Variants in HRH2 observed in about 807,000 individuals in gnomAD.
HRH2 encodes histamine H2 receptor.
In HRH2, 4 loss-of-function variants were observed where a neutral mutation model predicts 20.1. That is an observed-to-expected ratio of 0.20 (90% CI 0.10 to 0.45). The LOEUF (loss-of-function observed/expected upper bound fraction) is 0.45, where lower values mean the gene tolerates loss of function less well. HRH2 is among the 20% of genes least tolerant of loss of function. HRH2 has a pLI of 0.99. For missense variants in HRH2, 250 were observed against 461.6 expected (o/e 0.54, Z 4.20); for synonymous variants, 197 against 200.7 (o/e 0.98, Z 0.16).
chr5:175,706,515 A>G (rs1164320934), intron 2 of HRH2, among the ~76,000 whole-genome samples: 1 of 152,214 alleles, frequency 6.6e-6, no homozygotes, highest in South Asian at 2.1e-4. Context: ...GTTCTTTGAT[A>G]ATTTCACCGA....
At chr5:175,673,583 T>C (rs1378676246) in intron 1 of HRH2, among the ~76,000 whole-genome samples, 1 of 151,962 alleles carries the variant, frequency 6.6e-6, no homozygotes, top group African/African-American at 2.4e-5. Flanking sequence ...GTGATGAAAA[T>C]GTTTTGGAAC....
intron 2 of HRH2, among the ~76,000 whole-genome samples, chr5:175,702,567 T>TTA (rs1756819313): frequency 6.8e-6 from 1 of 146,020 alleles, no homozygotes; most frequent in Admixed American, 6.8e-5. Flanking sequence ...TTTTTTTTTT[T>TTA]TTGAGACGGA....
Position 175,686,735 on chromosome 5 carries a change from C to G in HRH2, c.1076+2426C>G, listed in dbSNP as rs1756185653. 6.6e-6 allele frequency among the ~76,000 whole-genome samples: 1 copy of G among 152,206 alleles called. No individual in the cohort carries two copies. Among genetic ancestry groups the G allele is most frequent in the Non-Finnish European group, 1.5e-5 (1 of 68,040 alleles). On this transcript the variant is annotated intron_variant, in intron 2 of 2. Transcript: ENST00000636584. This position sits in a 1 kb window ranked among gnomAD's most constrained non-coding sequence, Gnocchi z 4.7. ...AGGGCTGGACCCTTGAGACTCAGGG[C>G]CTCACTTCATCCTCCACACAACCCT... is the stretch of plus-strand genomic sequence containing the variant.
Position 175,710,712 on chromosome 5 carries a change from C to A in HRH2, c.*2741C>A, listed in dbSNP as rs1411337424. On this transcript the variant is annotated 3_prime_UTR_variant, in exon 3 of 3. Transcript: ENST00000636584. The stretch of plus-strand genomic sequence containing the variant: ...AACATCTGTGGTGGGACCCCAAATC[C>A]ATGTTTGTGTTACCATCGTGTTCCA... The A allele has an allele frequency of 6.6e-6, 1 of 152,204 alleles. No individual in the cohort carries two copies. Among genetic ancestry groups the A allele is most frequent in the African/African-American group, 2.4e-5 (1 of 41,450 alleles). 9.4% of individuals were successfully genotyped at this position (152,204 alleles called of 1,614,324 possible). A position where few individuals can be genotyped will look rare whatever the true frequency, so the allele number is the denominator to read the frequency against.
At position 175,683,244 on chromosome 5, in the gene HRH2, A is replaced by G. The variant is rs755798780; in HGVS notation, c.11A>G (p.Asn4Ser). The G allele has an allele frequency of 1.2e-6, 2 of 1,613,664 alleles. No homozygotes were observed. Among genetic ancestry groups the G allele is most frequent in the Non-Finnish European group, 8.5e-7 (1 of 1,179,598 alleles). ...CCGTAGAGTCCCAGGATGGCACCCA[A>G]TGGCACAGCCTCTTCCTTTTGCCTG... MAP[N>S]GTASSFCLDS... The change falls in exon 2 of 3, where the codon AAT (asparagine) becomes AGT (serine). Residue 4 changes from asparagine to serine, a missense_variant. Asn to Ser is a conservative substitution (Grantham distance 46). This residue lies in a region of HRH2 where 24 missense variants were observed against 22.9 expected (regional missense o/e 1.05). Coordinates refer to ENST00000636584, the MANE Select transcript of HRH2 (RefSeq NM_001367711.1).
chr5:175,665,275 G>C (rs1561718918), intron 1 of HRH2, among the ~76,000 whole-genome samples: 2 of 152,240 alleles, frequency 1.3e-5, no homozygotes, highest in African/African-American at 4.8e-5. Context: ...TACAGGAGCT[G>C]CAGGAGCTGG....
At chr5:175,659,965 C>T (rs1378321292) in intron 1 of HRH2, among the ~76,000 whole-genome samples, 2 of 152,202 alleles carry the variant, frequency 1.3e-5, no homozygotes, top group East Asian at 3.9e-4. Flanking sequence ...TTGCTTCCTC[C>T]ATCACCTTGT....
intron 1 of HRH2, among the ~76,000 whole-genome samples, chr5:175,672,206 G>T (rs1184826407): frequency 1.2e-4 from 19 of 152,178 alleles, no homozygotes; most frequent in Non-Finnish European, 1.5e-5. Context: ...CACAAACTCA[G>T]GATCCGGATT....
At chr5:175,707,338 G>T (rs912438578) in intron 2 of HRH2, among the ~76,000 whole-genome samples, 2 of 152,196 alleles carry the variant, frequency 1.3e-5, no homozygotes, top group Non-Finnish European at 2.9e-5. Flanking sequence ...GCTGAGGTGG[G>T]AGGATCCCTT....
chr5:175,660,779 G>T (rs918113702), intron 1 of HRH2, among the ~76,000 whole-genome samples: 1 of 152,112 alleles, frequency 6.6e-6, no homozygotes, highest in Non-Finnish European at 1.5e-5. Context: ...CCTCTAAAAG[G>T]GTTCAAGTAG....
At chr5:175,666,463 G>A (rs1332730452) in intron 1 of HRH2, among the ~76,000 whole-genome samples, 3 of 152,256 alleles carry the variant, frequency 2.0e-5, no homozygotes, top group East Asian at 3.9e-4. Flanking sequence ...GTCTCACTCC[G>A]TCACTGAGGC....
intron 1 of HRH2, among the ~76,000 whole-genome samples, chr5:175,661,589 A>T (rs1762739418): frequency 6.6e-6 from 1 of 152,196 alleles, no homozygotes; most frequent in South Asian, 2.1e-4. Context: ...GACAGATTCA[A>T]TCAACCAACA....
intron 1 of HRH2, among the ~76,000 whole-genome samples, chr5:175,679,649 G>T (rs1012607301): frequency 1.3e-5 from 2 of 152,214 alleles, no homozygotes; most frequent in Non-Finnish European, 2.9e-5. Flanking sequence ...AGGACTCAAG[G>T]AGACAGTTAC....
chr5:175,688,920 T>A (rs1756268692), intron 2 of HRH2, among the ~76,000 whole-genome samples: 1 of 152,072 alleles, frequency 6.6e-6, no homozygotes, highest in Admixed American at 6.5e-5. Flanking sequence ...GGAGATAATA[T>A]TCATTAGCAC....
At chr5:175,666,506 A>T (rs2113477937) in intron 1 of HRH2, among the ~76,000 whole-genome samples, 1 of 152,316 alleles carries the variant, frequency 6.6e-6, no homozygotes, top group East Asian at 1.9e-4. Context: ...AGCTCACAGC[A>T]GCCTCGACCT....
Position 175,688,425 on chromosome 5 carries a change from C to T in HRH2, c.1076+4116C>T, listed in dbSNP as rs568960558. Among the ~76,000 whole-genome samples the T allele has an allele frequency of 2.6e-5, 4 of 152,330 alleles. No individual in the cohort carries two copies. In the East Asian group the frequency reaches 7.7e-4, roughly 29 times the overall value. On this transcript the variant is annotated intron_variant, in intron 2 of 2. Transcript: ENST00000636584. ...CATCCTCTGCCCCAGCCAGAATAAA[C>T]CACCCAGAGCTCAGTGAGAAGCATT...
At chr5:175,697,462 CA>C (rs60466733) in intron 2 of HRH2, among the ~76,000 whole-genome samples, 7,498 of 82,514 alleles carry the variant, frequency 0.091, 321 homozygotes, top group African/African-American at 0.17. Context: ...GACTCCGTCT[CA>C]AAAAAAAAAA....
Position 175,680,066 on chromosome 5 carries a change from C to A in HRH2, c.-525-2643C>A, listed in dbSNP as rs569283272. ...TTTACTATGCATGGTATCGCTTTGC[C>A]CAGGAGGATCCAGCAGGACAGTTGT... On this transcript the variant is annotated intron_variant, in intron 1 of 2. Transcript: ENST00000636584. 1.2e-4 allele frequency among the ~76,000 whole-genome samples: 19 copies of A among 152,240 alleles called. No homozygotes were observed. The South Asian group carries it at 3.1e-3, about 25-fold the overall frequency.
At chr5:175,692,923 G>A (rs1168696079) in intron 2 of HRH2, among the ~76,000 whole-genome samples, 6 of 152,196 alleles carry the variant, frequency 3.9e-5, no homozygotes, top group South Asian at 2.1e-4. Context: ...TCGGTAAAGC[G>A]TGTCCGTGTC....
Sources: gnomAD v4.1 joint callset for allele counts (sites outside exome capture counted in the v4.1 genomes callset) on GRCh38, gnomAD v4.1.1 for gene constraint, gnomAD v4.1.1 regional missense constraint, Gnocchi (gnomAD v3.1) non-coding constraint, MANE v1.5 for transcripts, NCBI Gene and HGNC (gene_info 2026-07-23, HGNC 2026-07-21) for gene names.